Variants in NRDC observed in about 807,000 individuals in gnomAD.
NRDC encodes nardilysin.
NRDC carries 54 observed loss-of-function variants against 147.1 expected under a neutral mutation model. The observed-to-expected ratio is 0.37, with a 90% confidence interval of 0.29 to 0.46. NRDC has a LOEUF of 0.46. NRDC is among the 20% of genes least tolerant of loss of function. The pLI is 1.00. For missense variants in NRDC, 1,082 were observed against 1,370.6 expected, an observed-to-expected ratio of 0.79 and a Z score of 3.33; for synonymous variants, 440 against 482.1, an observed-to-expected ratio of 0.91 and a Z score of 1.14.
chr1:51,823,525 C>A, intron 7 of NRDC, 139 bp downstream of exon 7: 1 of 631,934 alleles, frequency 1.6e-6, no homozygotes, highest in Non-Finnish European at 2.5e-6. Context: ...CGTGACATCT[C>A]CAAGTTCTGA....
chr1:51,811,160 A>G (rs1679695313), intron 15 of NRDC, among the ~76,000 whole-genome samples: 1 of 152,242 alleles, frequency 6.6e-6, no homozygotes. Context: ...TGACATGGCA[A>G]GAATGTGTGG....
chr1:51,878,322 A>C lies in NRDC; in HGVS notation c.294T>G (p.Ala98=). 6.2e-7 allele frequency: 1 copy of C among 1,614,094 alleles called. No homozygotes were observed. The highest frequency in any genetic ancestry group is 2.2e-5 in the East Asian group (1 of 44,874). ...EEGRRGSLSN[A]GDPEIVKSPS... is the part of the protein sequence containing the mutation. ...GAGACTTGACGATCTCAGGGTCCCCAGCATTACTGAGAGACCCCCTCCGTC... is the reference window on the plus strand; with the variant it reads ...GAGACTTGACGATCTCAGGGTCCCCCGCATTACTGAGAGACCCCCTCCGTC... The change falls in exon 1 of 31, where the codon GCT becomes GCG. Residue 98 remains alanine (A), a synonymous_variant. Transcript: ENST00000352171.
At chr1:51,828,624 A>G (rs1680559031) in intron 4 of NRDC, among the ~76,000 whole-genome samples, 1 of 152,160 alleles carries the variant, frequency 6.6e-6, no homozygotes, top group South Asian at 2.1e-4. Flanking sequence ...CAATGCAATT[A>G]AATTGTTAAA....
chr1:51,857,488 G>C (rs187771313), intron 1 of NRDC, among the ~76,000 whole-genome samples: 1 of 152,192 alleles, frequency 6.6e-6, no homozygotes, highest in African/African-American at 2.4e-5. Flanking sequence ...GTTTTCAACA[G>C]ATGTCATGCC....
intron 21 of NRDC, chr1:51,798,615 TAGC>T (rs1679044882): frequency 2.1e-6 from 1 of 485,544 alleles, no homozygotes; most frequent in Non-Finnish European, 3.6e-6. Flanking sequence ...CAAATTTACT[TAGC>T]AGTACAAAAA....
chr1:51,800,946 GCCAT>G, intron 20 of NRDC: 1 of 305,250 alleles, frequency 3.3e-6, no homozygotes, highest in Non-Finnish European at 6.1e-6. Flanking sequence ...CTAGGCTCTA[GCCAT>G]ACTCCCACCT....
At chr1:51,809,502 TTC>T in intron 16 of NRDC, 101 bp from the exon 17 acceptor site, 2 of 832,352 alleles carry the variant, frequency 2.4e-6, no homozygotes, top group Non-Finnish European at 4.2e-6. Context: ...CAATTATCCT[TTC>T]TCAGGAATAC....
rs190077885 is a variant in NRDC, at chr1:51,796,761, T to C, written c.2604+1488A>G. ...TGCCACCAAGCCCGGCTAATTTTTG[T>C]ATTTTTAGCAGAGACGGGGTTTCAC... On this transcript the variant is annotated intron_variant, in intron 22 of 30. Transcript: ENST00000352171. Among the ~76,000 whole-genome samples, 451 of 150,370 alleles carry C rather than the reference T, an allele frequency of 3.0e-3. 4 individuals carry two copies. Among genetic ancestry groups the C allele is most frequent in the African/African-American group, 0.01 (426 of 41,050 alleles).
intron 1 of NRDC, among the ~76,000 whole-genome samples, chr1:51,855,928 A>C (rs1256570646): frequency 6.6e-6 from 1 of 152,136 alleles, no homozygotes; most frequent in Non-Finnish European, 1.5e-5. Context: ...CAAGAACACA[A>C]GATGTCAAAT....
At chr1:51,864,248 C>T (rs190081886) in intron 1 of NRDC, among the ~76,000 whole-genome samples, 29 of 152,166 alleles carry the variant, frequency 1.9e-4, no homozygotes, top group Admixed American at 1.9e-3. Flanking sequence ...ATTGGCGGTA[C>T]CTAGCTATGT....
chr1:51,872,868 C>T (rs972544176), intron 1 of NRDC, among the ~76,000 whole-genome samples: 2 of 151,762 alleles, frequency 1.3e-5, no homozygotes, highest in Admixed American at 6.6e-5. Flanking sequence ...ACCTAGGTTA[C>T]CTTTACTTTA....
chr1:51,797,202 G>GA (rs764159941), intron 22 of NRDC, among the ~76,000 whole-genome samples: 27 of 150,956 alleles, frequency 1.8e-4, no homozygotes, highest in Non-Finnish European at 3.4e-4. Context: ...CTCTGTCTCA[G>GA]AAAAAAAAGG....
intron 17 of NRDC, among the ~76,000 whole-genome samples, chr1:51,807,880 A>C (rs1571853482): frequency 6.8e-6 from 1 of 146,210 alleles, no homozygotes; most frequent in Admixed American, 7.2e-5. Flanking sequence ...ATCTCAACTC[A>C]CTGCAACCTC....
At chr1:51,790,509 G>A (rs1330253798) in intron 29 of NRDC, 24 bp downstream of exon 29, 1 of 1,458,896 alleles carries the variant, frequency 6.9e-7, no homozygotes, top group Non-Finnish European at 9.6e-7. Flanking sequence ...AGTTTGAGCT[G>A]TCTTACTCTG....
chr1:51,857,714 AACTG>A (rs1261319742), intron 1 of NRDC, among the ~76,000 whole-genome samples: 2 of 152,188 alleles, frequency 1.3e-5, no homozygotes, highest in Admixed American at 6.5e-5. Flanking sequence ...TCTGATAATT[AACTG>A]ACTTGGATTC....
At chr1:51,808,331 A>C (rs1679560356) in intron 17 of NRDC, among the ~76,000 whole-genome samples, 1 of 152,136 alleles carries the variant, frequency 6.6e-6, no homozygotes, top group African/African-American at 2.4e-5. Context: ...AGCAATCATC[A>C]ATCTATGTTC....
At chr1:51,795,906 G>C (rs1678879030) in intron 22 of NRDC, among the ~76,000 whole-genome samples, 1 of 151,902 alleles carries the variant, frequency 6.6e-6, no homozygotes, top group South Asian at 2.1e-4. Flanking sequence ...AAAACACCAG[G>C]GTCTTGCTTT....
At chr1:51,801,638 A>G (rs1282471381) in intron 20 of NRDC, among the ~76,000 whole-genome samples, 1 of 152,086 alleles carries the variant, frequency 6.6e-6, no homozygotes, top group African/African-American at 2.4e-5. Context: ...AAAAGTTTTT[A>G]TTTTTTCATC....
chr1:51,870,804 T>C (rs988817282), intron 1 of NRDC, among the ~76,000 whole-genome samples: 2 of 147,462 alleles, frequency 1.4e-5, no homozygotes, highest in Non-Finnish European at 3.1e-5. Context: ...AATTAATAAT[T>C]ACTAATACTG....
Sources: gnomAD v4.1 joint callset for allele counts (sites outside exome capture counted in the v4.1 genomes callset) on GRCh38, gnomAD v4.1.1 for gene constraint, MANE v1.5 for transcripts, NCBI Gene and HGNC (gene_info 2026-07-23, HGNC 2026-07-21) for gene names.